The following DISP3 variants were observed in gnomAD, a reference collection of about 807,000 sequenced individuals.
DISP3 encodes the protein protein dispatched homolog 3.
A neutral mutation model predicts 135.3 loss-of-function variants in DISP3; 101 were observed. The ratio of observed to expected loss-of-function variants is 0.75; its 90% CI spans 0.64 to 0.88. The LOEUF is 0.88. DISP3 is among the 40% of genes least tolerant of loss of function. The pLI, the probability that DISP3 is intolerant of heterozygous loss-of-function variation, is 0.00. For synonymous variants in DISP3, 856 were observed against 817.0 expected (o/e 1.05, Z -0.81); for missense variants, 1,713 against 1,878.6 (o/e 0.91, Z 1.63).
rs1256585072 is a variant in DISP3 at position 11,483,581 on chromosome 1, G to T, written c.-4+4209G>T. Among the ~76,000 whole-genome samples the T allele has an allele frequency of 1.3e-5, 2 of 152,168 alleles. No homozygotes were observed. Among genetic ancestry groups the T allele is most frequent in the Admixed American group, 6.5e-5 (1 of 15,278 alleles). On this transcript the variant is annotated intron_variant, in intron 1 of 20. Transcript: ENST00000294484. This position sits in a 1 kb window ranked among gnomAD's most constrained non-coding sequence, Gnocchi z 5.4. Reference sequence around the variant, plus strand: ...TTGCCAAGTACCCTGTATTGTTTTGGTTACTGTCATTCAATAAATATTTTC... The same window carrying T: ...TTGCCAAGTACCCTGTATTGTTTTGTTTACTGTCATTCAATAAATATTTTC...
intron 1 of DISP3, among the ~76,000 whole-genome samples, chr1:11,494,831 AAT>A (rs1412334110): frequency 6.6e-6 from 1 of 152,192 alleles, no homozygotes; most frequent in Non-Finnish European, 1.5e-5. Flanking sequence ...ATTACATTTT[AAT>A]AGTCTGGCTG....
At position 11,531,064 on chromosome 1, in the gene DISP3, G is replaced by A. The variant is rs372748366; in HGVS notation, c.3229+31G>A. ...TGGGGTGTGGGGAGCTGGTTCCTCC[G>A]AGGGAGGATGGACTGACTGGGGAGG... On this transcript the variant is annotated intron_variant, in intron 16 of 20. Transcript: ENST00000294484. This position sits in a 1 kb window ranked among gnomAD's most constrained non-coding sequence, Gnocchi z 5.2. 422 of 1,610,452 alleles carry A rather than the reference G, an allele frequency of 2.6e-4. No homozygotes were observed. Among genetic ancestry groups the A allele is most frequent in the Non-Finnish European group, 3.3e-4 (390 of 1,179,546 alleles).
intron 11 of DISP3, 86 bp from the exon 12 acceptor site, chr1:11,525,090 A>G: frequency 6.5e-7 from 1 of 1,529,530 alleles, no homozygotes; most frequent in Non-Finnish European, 9.0e-7. Flanking sequence ...TCGTTAGTCG[A>G]CAGAGCTGAG....
intron 3 of DISP3, among the ~76,000 whole-genome samples, chr1:11,509,580 T>C (rs1479925081): frequency 6.6e-6 from 1 of 152,234 alleles, no homozygotes; most frequent in African/African-American, 2.4e-5. Flanking sequence ...AACTCTGTTA[T>C]TAGCTATAAA....
chr1:11,492,627 C>T (rs1156736487), intron 1 of DISP3, among the ~76,000 whole-genome samples: 1 of 152,148 alleles, frequency 6.6e-6, no homozygotes, highest in African/African-American at 2.4e-5. Context: ...ATTTGTACCC[C>T]CTCTGAATTT....
rs571172367 is a variant in DISP3, at chr1:11,504,595, A to T, written c.1316+1698A>T. On this transcript the variant is annotated intron_variant, in intron 3 of 20. Transcript: ENST00000294484. ...ATGGGGGTGGATCCTTCATAAATAG[A>T]TTAATGCCATCTTGTGGGAGTGAGC... is the stretch of plus-strand genomic sequence containing the variant. Among the ~76,000 whole-genome samples, 3 of 152,324 alleles carry T rather than the reference A, an allele frequency of 2.0e-5. No homozygotes were observed. In the East Asian group the frequency reaches 5.8e-4, roughly 29 times the overall value.
chr1:11,522,694 G>GGCCCAGCCAGA (rs1642254504), intron 10 of DISP3, among the ~76,000 whole-genome samples: 13 of 85,638 alleles, frequency 1.5e-4, no homozygotes, highest in Admixed American at 4.9e-4. Context: ...GCCCAGCCAG[G>GGCCCAGCCAGA]GCCCAGCCAG....
rs1317301021 is a variant in DISP3 at position 11,536,111 on chromosome 1, G to A, written c.3817-213G>A. On this transcript the variant is annotated intron_variant, in intron 20 of 20. Coordinates refer to ENST00000294484, the MANE Select transcript of DISP3 (RefSeq NM_020780.2). This position sits in a 1 kb window ranked among gnomAD's most constrained non-coding sequence, Gnocchi z 4.3. ...TCACAAATGTGTAAAGATCAACTCA[G>A]TTACACAGGACCTACTGTGCAGACC... Among the ~76,000 whole-genome samples the A allele has an allele frequency of 1.3e-5, 2 of 152,182 alleles. No individual in the cohort carries two copies. Among genetic ancestry groups the A allele is most frequent in the Non-Finnish European group, 2.9e-5 (2 of 68,038 alleles).
At chr1:11,496,884 C>G (rs1383190636) in intron 1 of DISP3, among the ~76,000 whole-genome samples, 1 of 152,178 alleles carries the variant, frequency 6.6e-6, no homozygotes, top group East Asian at 1.9e-4. Context: ...GACAGAGCCC[C>G]AAGAAGGGCA....
Position 11,501,868 on chromosome 1 carries a change from T to A in DISP3, c.876T>A (p.Ser292Arg). ...RGDAERNIFT[S>R]ERLVTIHEIE... The stretch of plus-strand genomic sequence containing the variant: ...ACGCGGAGCGCAACATTTTCACCAG[T>A]GAGCGCCTGGTCACGATCCATGAGA... The change falls in exon 2 of 21, where the codon AGT becomes AGA. Residue 292 changes from serine (S) to arginine (R), a missense_variant. By Grantham distance (110) the Ser-to-Arg change is moderately radical (BLOSUM62 -1). Coordinates refer to ENST00000294484, the MANE Select transcript of DISP3 (RefSeq NM_020780.2). The surrounding 1 kb of genome is among the most constrained non-coding windows in gnomAD (Gnocchi z 4.9). 1 of 1,613,114 alleles carries A rather than the reference T, an allele frequency of 6.2e-7. No individual in the cohort carries two copies. Among genetic ancestry groups the A allele is most frequent in the Non-Finnish European group, 8.5e-7 (1 of 1,179,658 alleles).
chr1:11,487,922 C>T (rs1025794187), intron 1 of DISP3, among the ~76,000 whole-genome samples: 4 of 152,206 alleles, frequency 2.6e-5, no homozygotes, highest in African/African-American at 4.8e-5. Flanking sequence ...ACCCCATCCT[C>T]TCTCCTGTGT....
chr1:11,529,762 T>C lies in DISP3; in HGVS notation c.2930-25T>C. On this transcript the variant is annotated intron_variant, in intron 14 of 20. Transcript: ENST00000294484. This position sits in a 1 kb window ranked among gnomAD's most constrained non-coding sequence, Gnocchi z 4.7. ...TCAGGAGCTGGACCCTGCCTTCCCT[T>C]ACAGCTGTGACTCCCTGTTCGCAGT... 6.2e-7 allele frequency: 1 copy of C among 1,607,052 alleles called. No individual in the cohort carries two copies. Among genetic ancestry groups the C allele is most frequent in the Non-Finnish European group, 8.5e-7 (1 of 1,174,908 alleles).
chr1:11,495,675 T>C (rs1641311946), intron 1 of DISP3, among the ~76,000 whole-genome samples: 1 of 152,178 alleles, frequency 6.6e-6, no homozygotes, highest in African/African-American at 2.4e-5. Flanking sequence ...CTGGGTCCAG[T>C]GGGCCATTAG....
At chr1:11,524,653 A>C (rs1570136356) in intron 11 of DISP3, among the ~76,000 whole-genome samples, 2 of 23,592 alleles carry the variant, frequency 8.5e-5, no homozygotes, top group African/African-American at 1.8e-4. Context: ...CTCCTACCCC[A>C]TCCCTGTGCC....
At chr1:11,479,722 A>ATCTG (rs1221749127) in intron 1 of DISP3, among the ~76,000 whole-genome samples, 1 of 152,228 alleles carries the variant, frequency 6.6e-6, no homozygotes, top group Non-Finnish European at 1.5e-5. Context: ...TCTGAGGGAT[A>ATCTG]TCTGGGTCCA....
chr1:11,525,963 C>A (rs1040332266), intron 12 of DISP3, among the ~76,000 whole-genome samples: 2 of 152,202 alleles, frequency 1.3e-5, no homozygotes, highest in African/African-American at 4.8e-5. Flanking sequence ...GCACACACCA[C>A]CATGCCAGCT....
intron 11 of DISP3, 42 bp from the exon 12 acceptor site, chr1:11,525,134 G>C (rs759255179): frequency 6.2e-7 from 1 of 1,605,528 alleles, no homozygotes; most frequent in Non-Finnish European, 8.5e-7. Context: ...GAAGCCAGTC[G>C]AGGTCAAGTC....
chr1:11,526,918 A>C, intron 13 of DISP3, 83 bp downstream of exon 13: 3 of 1,435,022 alleles, frequency 2.1e-6, no homozygotes, highest in Non-Finnish European at 2.8e-6. Flanking sequence ...CTCTTTTCAC[A>C]TGAGGGATGC....
intron 13 of DISP3, among the ~76,000 whole-genome samples, chr1:11,527,393 CA>C (rs1273594744): frequency 6.6e-6 from 1 of 151,926 alleles, no homozygotes; most frequent in African/African-American, 2.4e-5. Flanking sequence ...ACTAAAAATA[CA>C]AAAAATTAGC....
Sources: gnomAD v4.1 joint callset for allele counts (sites outside exome capture counted in the v4.1 genomes callset) on GRCh38, gnomAD v4.1.1 for gene constraint, Gnocchi (gnomAD v3.1) non-coding constraint, MANE v1.5 for transcripts, NCBI Gene and HGNC (gene_info 2026-07-23, HGNC 2026-07-21) for gene names.